Variants in PLXNB2 observed in about 807,000 individuals in gnomAD.
PLXNB2 encodes plexin B2.
In PLXNB2, 85 loss-of-function variants were observed where a neutral mutation model predicts 202.6. The ratio of observed to expected loss-of-function variants is 0.42; its 90% CI spans 0.35 to 0.50. The LOEUF is 0.50. PLXNB2 is among the 20% of genes least tolerant of loss of function. PLXNB2 has a pLI of 0.02. For synonymous variants in PLXNB2, 1,239 were observed against 1,137.6 expected (o/e 1.09, Z -1.79); for missense variants, 2,063 against 2,586.2 (o/e 0.80, Z 4.39).
At chr22:50,306,191 C>T (rs1370859461) in intron 1 of PLXNB2, among the ~76,000 whole-genome samples, 1 of 152,212 alleles carries the variant, frequency 6.6e-6, no homozygotes, top group Non-Finnish European at 1.5e-5. Context: ...CTTCCCTCCT[C>T]TACTGGGGCA....
chr22:50,290,617 T>TCAGGGGAGCCCCGACC lies in PLXNB2; in HGVS notation c.-13-36_-13-21dup. The TCAGGGGAGCCCCGACC allele has an allele frequency of 6.5e-7, 1 of 1,548,904 alleles. No individual in the cohort carries two copies. The highest frequency in any genetic ancestry group is 2.3e-5 in the East Asian group (1 of 42,760). ...CGCACCCTGTGGGAAGAGAGAAGGG[T>TCAGGGGAGCCCCGACC]CAGGGGAGCCCCGACCCAGAGGACC... On this transcript the variant is annotated intron_variant, in intron 2 of 36. Coordinates refer to ENST00000359337, the MANE Select transcript of PLXNB2 (RefSeq NM_012401.4).
chr22:50,280,518 C>T lies in PLXNB2; in HGVS notation c.4146G>A (p.Val1382=). The change falls in exon 25 of 37, where the codon GTG becomes GTA. Residue 1382 remains valine, a synonymous_variant. Transcript: ENST00000359337. The part of the protein sequence containing the change: ...LFLELLEQYV[V]AKNPKLMLRR... ...GCAGCATCAGCTTGGGGTTCTTGGC[C>T]ACCACGTACTGCTCCAGGAGCTCCA... 1 of 1,610,454 alleles carries T rather than the reference C, an allele frequency of 6.2e-7. No individual in the cohort carries two copies. The highest frequency in any genetic ancestry group is 8.5e-7 in the Non-Finnish European group (1 of 1,179,360).
At chr22:50,292,277 G>T (rs2066925060) in intron 2 of PLXNB2, among the ~76,000 whole-genome samples, 2 of 146,086 alleles carry the variant, frequency 1.4e-5, no homozygotes, top group South Asian at 4.3e-4. Context: ...GGCGGAGGTT[G>T]CAGCGAGCCA....
chr22:50,300,186 G>T (rs1569183727), intron 1 of PLXNB2: 1 of 813,764 alleles, frequency 1.2e-6, no homozygotes. Flanking sequence ...CCCAGGACGC[G>T]CGGGCGGGTG....
intron 1 of PLXNB2, among the ~76,000 whole-genome samples, chr22:50,302,321 C>T (rs1475123641): frequency 6.6e-6 from 1 of 152,124 alleles, no homozygotes; most frequent in Non-Finnish European, 1.5e-5. Context: ...TGAGGAAATG[C>T]CCATCTCAGA....
At chr22:50,305,526 C>T (rs1055720387) in intron 1 of PLXNB2, among the ~76,000 whole-genome samples, 2 of 152,216 alleles carry the variant, frequency 1.3e-5, no homozygotes, top group African/African-American at 2.4e-5. Context: ...GGCTCACAGG[C>T]GCCATATCCA....
At position 50,281,598 on chromosome 22, in the gene PLXNB2, G is replaced by A. The variant is rs747034054; in HGVS notation, c.3490C>T (p.Arg1164Ter). 7 of 1,610,720 alleles carry A rather than the reference G, an allele frequency of 4.3e-6. No individual in the cohort carries two copies. The highest frequency in any genetic ancestry group is 1.1e-5 in the South Asian group (1 of 90,870). The change falls in exon 21 of 37, where the codon CGA becomes TGA. Residue 1164 changes from arginine to a stop codon, truncating the protein, a stop_gained. Coordinates refer to ENST00000359337, the MANE Select transcript of PLXNB2 (RefSeq NM_012401.4). LOFTEE classifies it high-confidence loss of function. ...VQPPPKRRQK[R>*]DTTHNLPEFI... ...TCGGGCAGGTTGTGTGTGGTGTCTCGTTTCTGCCGCCGCTTGGGCGGGGGC... is the reference window on the plus strand; with the variant it reads ...TCGGGCAGGTTGTGTGTGGTGTCTCATTTCTGCCGCCGCTTGGGCGGGGGC...
Position 50,284,034 on chromosome 22 carries a change from C to T in PLXNB2, c.2264-44G>A, listed in dbSNP as rs1313270678. On this transcript the variant is annotated intron_variant, in intron 13 of 36. Transcript: ENST00000359337. The surrounding 1 kb of genome is among the most constrained non-coding windows in gnomAD (Gnocchi z 8.0). ...TCAGTGGTCACCCCGTGCCTGCCCG[C>T]CCCCGACCTGCTCCCCACTGCGCCC... 1 of 1,521,388 alleles carries T rather than the reference C, an allele frequency of 6.6e-7. No individual in the cohort carries two copies. Among genetic ancestry groups the T allele is most frequent in the Admixed American group, 2.0e-5 (1 of 50,368 alleles). The allele number at this position is 1,521,388 out of a possible 1,614,324, so 94.2% of individuals were successfully genotyped here.
At chr22:50,280,092 T>C in intron 25 of PLXNB2, 21 bp from the exon 26 acceptor site, 1 of 1,575,308 alleles carries the variant, frequency 6.3e-7, no homozygotes, top group Non-Finnish European at 8.6e-7. Context: ...AGGGAGGCCT[T>C]GTACCGAGTG....
At position 50,275,736 on chromosome 22, in the gene PLXNB2, C is replaced by G; in HGVS notation, c.5485G>C (p.Ala1829Pro). Reference sequence around the variant, plus strand: ...TCAGTGACCTTGTTCTCCAGTGCAGCGGCAATCTGCTGCAGGCGGAAGGCC... The same window carrying G: ...TCAGTGACCTTGTTCTCCAGTGCAGGGGCAATCTGCTGCAGGCGGAAGGCC... ...QLAFRLQQIA[A>P]ALENKVTDL Residue 1829 changes from alanine to proline, a missense_variant, in exon 37 of 37, where the codon GCT becomes CCT. By Grantham distance (27) the Ala-to-Pro change is conservative. Coordinates refer to ENST00000359337, the MANE Select transcript of PLXNB2 (RefSeq NM_012401.4). The G allele has an allele frequency of 6.2e-7, 1 of 1,611,222 alleles. No individual in the cohort carries two copies. The highest frequency in any genetic ancestry group is 8.5e-7 in the Non-Finnish European group (1 of 1,178,996).
At chr22:50,307,333 C>G (rs1000176906) in intron 1 of PLXNB2, among the ~76,000 whole-genome samples, 2 of 151,930 alleles carry the variant, frequency 1.3e-5, no homozygotes, top group African/African-American at 4.8e-5. Flanking sequence ...GGGCCCGTCC[C>G]CCGAGTCAAC....
At chr22:50,282,403 C>T in intron 18 of PLXNB2, 90 bp from the exon 19 acceptor site, 2 of 1,386,192 alleles carry the variant, frequency 1.4e-6, no homozygotes, top group Non-Finnish European at 1.9e-6. Context: ...TGGCCCTGAC[C>T]ACACGGGGCT....
Position 50,275,516 on chromosome 22 carries a change from C to T in PLXNB2, c.*188G>A, listed in dbSNP as rs775831460. The T allele has an allele frequency of 1.1e-4, 71 of 669,844 alleles. No individual in the cohort carries two copies. The highest frequency in any genetic ancestry group is 9.6e-4 in the African/African-American group (54 of 56,466). 41.5% of individuals were successfully genotyped at this position (669,844 alleles called of 1,614,324 possible). On this transcript the variant is annotated 3_prime_UTR_variant, in exon 37 of 37. Transcript: ENST00000359337. Reference sequence around the variant, plus strand: ...CTGGGGCTGGTGCTGGTGCGGTGCCCGGCGGTATTGCTCAGAGGAAGATGC... The same window carrying T: ...CTGGGGCTGGTGCTGGTGCGGTGCCTGGCGGTATTGCTCAGAGGAAGATGC...
At chr22:50,278,830 C>T (rs760486957) in intron 28 of PLXNB2, 25 bp downstream of exon 28, 1 of 1,603,714 alleles carries the variant, frequency 6.2e-7, no homozygotes, top group Non-Finnish European at 8.5e-7. Context: ...CGCCTGTGTG[C>T]AGACGGGCAG....
In PLXNB2 at chr22:50,284,286, G is replaced by T. The variant is rs2066255464; in HGVS notation, c.2182-73C>A. The T allele has an allele frequency of 7.1e-7, 1 of 1,402,382 alleles. No individual in the cohort carries two copies. Among genetic ancestry groups the T allele is most frequent in the Non-Finnish European group, 1.0e-6 (1 of 993,208 alleles). 86.9% of individuals were successfully genotyped at this position (1,402,382 alleles called of 1,614,324 possible). On this transcript the variant is annotated intron_variant, in intron 12 of 36. Coordinates refer to ENST00000359337, the MANE Select transcript of PLXNB2 (RefSeq NM_012401.4). This position sits in a 1 kb window ranked among gnomAD's most constrained non-coding sequence, Gnocchi z 8.0. ...GCGTGGGGCGGGGGTCACAAGGGCA[G>T]CCTCCCTGTGGCCACCGGGTCCCTT...
chr22:50,299,554 C>T (rs1036786847), intron 1 of PLXNB2, among the ~76,000 whole-genome samples: 1 of 152,046 alleles, frequency 6.6e-6, no homozygotes, highest in Non-Finnish European at 1.5e-5. Context: ...ACAGACGCGC[C>T]GGCGAATCCC....
chr22:50,277,320 T>G (rs980001646), intron 33 of PLXNB2, among the ~76,000 whole-genome samples: 1 of 150,038 alleles, frequency 6.7e-6, no homozygotes, highest in Non-Finnish European at 1.5e-5. Flanking sequence ...AAAAGAAAAC[T>G]ACTTATTTTG....
chr22:50,283,899 C>G lies in PLXNB2; in HGVS notation c.2355G>C (p.Gln785His), dbSNP rs2066213863. The G allele has an allele frequency of 6.3e-7, 1 of 1,589,170 alleles. No homozygotes were observed. The highest frequency in any genetic ancestry group is 1.3e-5 in the African/African-American group (1 of 74,494). ...ACAGGGCCTCATACACGCACCTGCTCTGGCCCCCGCACCACGCACACCTGT... is the reference window on the plus strand; with the variant it reads ...ACAGGGCCTCATACACGCACCTGCTGTGGCCCCCGCACCACGCACACCTGT... ...PDYRCAWCGG[Q>H]SRCVYEALCN... is the part of the protein sequence containing the mutation. The change falls in exon 14 of 37, where the codon CAG becomes CAC. Residue 785 changes from glutamine (Q) to histidine (H), a missense_variant. By Grantham distance (24) the Gln-to-His change is conservative. Transcript: ENST00000359337.
chr22:50,300,003 G>A (rs2067573450), intron 1 of PLXNB2, among the ~76,000 whole-genome samples: 1 of 152,094 alleles, frequency 6.6e-6, no homozygotes, highest in Non-Finnish European at 1.5e-5. Flanking sequence ...GCCAGGAAGC[G>A]CAGGGACTAG....
Sources: allele counts gnomAD v4.1 joint callset (sites outside exome capture counted in the v4.1 genomes callset), GRCh38; gene constraint gnomAD v4.1.1; non-coding constraint Gnocchi (gnomAD v3.1); transcripts MANE v1.5; gene names NCBI Gene and HGNC (gene_info 2026-07-23, HGNC 2026-07-21).